Variants in SLCO3A1 observed in about 807,000 individuals in gnomAD.
SLCO3A1 encodes PGE1 transporter.
SLCO3A1 carries 27 observed loss-of-function variants against 63.1 expected under a neutral mutation model. The ratio of observed to expected loss-of-function variants is 0.43; its 90% CI spans 0.32 to 0.59. The LOEUF is 0.59. Ranked by LOEUF, SLCO3A1 falls within the 20% of genes least tolerant of loss-of-function variation. The pLI is 0.09. For missense variants in SLCO3A1, 773 were observed against 945.8 expected, an observed-to-expected ratio of 0.82 and a Z score of 2.40; for synonymous variants, 473 against 409.9, an observed-to-expected ratio of 1.15 and a Z score of -1.86.
chr15:92,118,787 T>C (rs1242785573), intron 4 of SLCO3A1, among the ~76,000 whole-genome samples: 2 of 152,052 alleles, frequency 1.3e-5, no homozygotes, highest in Admixed American at 1.3e-4. Flanking sequence ...TTTTATCTGT[T>C]CTGTTTGCAT....
chr15:92,075,692 A>T (rs2047268102), intron 2 of SLCO3A1, among the ~76,000 whole-genome samples: 1 of 152,242 alleles, frequency 6.6e-6, no homozygotes, highest in African/African-American at 2.4e-5. Flanking sequence ...TGGGCATAAC[A>T]TGCCAGTGTA....
At chr15:91,958,063 T>C (rs753675553) in intron 2 of SLCO3A1, among the ~76,000 whole-genome samples, 14 of 152,138 alleles carry the variant, frequency 9.2e-5, no homozygotes, top group Non-Finnish European at 1.9e-4. Context: ...TGTTTGGAGA[T>C]TTGCAACAAT....
downstream of SLCO3A1, among the ~76,000 whole-genome samples, chr15:92,167,223 G>T (rs543260944): frequency 3.3e-5 from 5 of 152,154 alleles, no homozygotes; most frequent in African/African-American, 1.2e-4. Flanking sequence ...CACATATCTG[G>T]CCAGAAGCCA....
rs545272625 is a variant in SLCO3A1, at chr15:92,082,571, C to G, written c.647-12310C>G. 1.1e-4 allele frequency among the ~76,000 whole-genome samples: 16 copies of G among 152,330 alleles called. No individual in the cohort carries two copies. In the South Asian group the frequency reaches 3.3e-3, roughly 32 times the overall value. The stretch of plus-strand genomic sequence containing the variant: ...CAAAGAAACAGCCTAGGGAGACCAG[C>G]CATGCACGCCCCCATTCTTGGACTC... On this transcript the variant is annotated intron_variant, in intron 2 of 9. Coordinates refer to ENST00000318445, the MANE Select transcript of SLCO3A1 (RefSeq NM_013272.4).
At chr15:92,090,823 T>C (rs1567114265) in intron 2 of SLCO3A1, among the ~76,000 whole-genome samples, 1 of 152,158 alleles carries the variant, frequency 6.6e-6, no homozygotes, top group African/African-American at 2.4e-5. Flanking sequence ...CCTGGGTCTT[T>C]CTGTATGCCA....
intron 3 of SLCO3A1, 128 bp downstream of exon 3, chr15:92,095,107 T>C: frequency 2.1e-6 from 1 of 473,006 alleles, no homozygotes; most frequent in Non-Finnish European, 3.9e-6. Flanking sequence ...CCTCTGTAGC[T>C]GGGGCTCACC....
At chr15:91,988,303 T>C (rs2046081084) in intron 2 of SLCO3A1, among the ~76,000 whole-genome samples, 2 of 152,200 alleles carry the variant, frequency 1.3e-5, no homozygotes, top group South Asian at 4.2e-4. Context: ...ATTGCACCAC[T>C]GCACTCCAGC....
At chr15:91,921,285 A>T (rs1231705861) in intron 2 of SLCO3A1, among the ~76,000 whole-genome samples, 1 of 152,148 alleles carries the variant, frequency 6.6e-6, no homozygotes, top group Non-Finnish European at 1.5e-5. Context: ...ACATTGGTTT[A>T]AACCCACCCA....
chr15:92,011,477 T>C (rs949258507), intron 2 of SLCO3A1, among the ~76,000 whole-genome samples: 1 of 149,670 alleles, frequency 6.7e-6, no homozygotes, highest in African/African-American at 2.5e-5. Context: ...TATATATCAG[T>C]TTTAAAAAAA....
intron 2 of SLCO3A1, among the ~76,000 whole-genome samples, chr15:92,070,965 A>G (rs2047208957): frequency 6.6e-6 from 1 of 152,190 alleles, no homozygotes. Context: ...TCCCTCTTTT[A>G]AAGTCAGTAA....
intron 1 of SLCO3A1, among the ~76,000 whole-genome samples, chr15:91,906,520 C>T (rs1332780815): frequency 6.6e-6 from 1 of 152,184 alleles, no homozygotes; most frequent in Non-Finnish European, 1.5e-5. Flanking sequence ...TATAAAGAAG[C>T]CCAATTCAGT....
At chr15:91,963,408 T>TGGGGGGGG (rs67196103) in intron 2 of SLCO3A1, among the ~76,000 whole-genome samples, 2 of 22,914 alleles carry the variant, frequency 8.7e-5, no homozygotes, top group African/African-American at 6.0e-4. Context: ...TCGGGGAGGG[T>TGGGGGGGG]GGGGGGGGGG....
At chr15:91,925,666 G>A (rs1171204078) in intron 2 of SLCO3A1, among the ~76,000 whole-genome samples, 1 of 152,154 alleles carries the variant, frequency 6.6e-6, no homozygotes, top group African/African-American at 2.4e-5. Flanking sequence ...GAAGTGGACT[G>A]AGAGAAATGG....
In SLCO3A1 at chr15:91,879,921, G is replaced by A. The variant is rs561160573; in HGVS notation, c.180+25833G>A. ...TTTTATGTAAGGACAGTTGTGTGTC[G>A]CAGCAGAGATGGCACAGTGAGTCCC... On this transcript the variant is annotated intron_variant, in intron 1 of 9. Transcript: ENST00000318445. Among the ~76,000 whole-genome samples the A allele has an allele frequency of 9.9e-5, 15 of 152,224 alleles. 1 individual carries two copies. The highest frequency in any genetic ancestry group is 4.1e-4 in the South Asian group (2 of 4,822).
intron 3 of SLCO3A1, among the ~76,000 whole-genome samples, chr15:92,096,883 C>T (rs529461851): frequency 1.6e-4 from 24 of 152,230 alleles, no homozygotes; most frequent in South Asian, 2.1e-4. Context: ...TTGCAGCCGT[C>T]GGCTGGCCCT....
intron 2 of SLCO3A1, among the ~76,000 whole-genome samples, chr15:91,982,589 A>C (rs1433108238): frequency 1.3e-5 from 2 of 152,236 alleles, no homozygotes; most frequent in African/African-American, 2.4e-5. Flanking sequence ...TTAGGGCTTG[A>C]AGTTCTGTGC....
chr15:91,917,070 C>T (rs1020609256), intron 2 of SLCO3A1, among the ~76,000 whole-genome samples: 6 of 152,084 alleles, frequency 3.9e-5, no homozygotes, highest in Non-Finnish European at 5.9e-5. Context: ...ACCACTTGTG[C>T]GTGGGGGTTA....
intron 2 of SLCO3A1, among the ~76,000 whole-genome samples, chr15:92,017,515 G>A (rs1374683470): frequency 6.6e-6 from 1 of 152,070 alleles, no homozygotes; most frequent in Non-Finnish European, 1.5e-5. Flanking sequence ...CAAATCCAGG[G>A]GTGGAAGAAA....
rs188323177 is a variant in SLCO3A1, at chr15:91,853,762, C to T, written c.-147C>T. On this transcript the variant is annotated 5_prime_UTR_variant, in exon 1 of 10. Coordinates refer to ENST00000318445, the MANE Select transcript of SLCO3A1 (RefSeq NM_013272.4). ...GAGCTGTGCCTTCCACCTCTCCAGC[C>T]CCGGCAGGACGGGGGCGGCCGCCGC... 3 of 797,124 alleles carry T rather than the reference C, an allele frequency of 3.8e-6. No homozygotes were observed. Among genetic ancestry groups the T allele is most frequent in the Non-Finnish European group, 4.7e-6 (3 of 644,616 alleles). The allele number at this position is 797,124 out of a possible 1,614,324, so 49.4% of individuals were successfully genotyped here.
Sources: allele counts gnomAD v4.1 joint callset (sites outside exome capture counted in the v4.1 genomes callset), GRCh38; gene constraint gnomAD v4.1.1; transcripts MANE v1.5; gene names NCBI Gene and HGNC (gene_info 2026-07-23, HGNC 2026-07-21).